BCAT1: variants seen among roughly 807,000 people sequenced by gnomAD.
The protein encoded by BCAT1 is branched-chain-amino-acid aminotransferase, cytosolic.
A neutral mutation model predicts 52.4 loss-of-function variants in BCAT1; 48 were observed. The ratio of observed to expected loss-of-function variants is 0.92; its 90% CI spans 0.73 to 1.16. The LOEUF is 1.16. Among genes scored for constraint, BCAT1 ranks in the 50% most tolerant of loss-of-function variants. The probability of loss-of-function intolerance (pLI) is 0.00; values close to 1 mark genes in which losing one functional copy is unlikely to be tolerated. For missense variants in BCAT1, 451 were observed against 457.1 expected, an observed-to-expected ratio of 0.99 and a Z score of 0.12; for synonymous variants, 167 against 161.3, an observed-to-expected ratio of 1.04 and a Z score of -0.27.
chr12:24,923,893 C>G (rs1208183558), intron 1 of BCAT1, among the ~76,000 whole-genome samples: 1 of 152,138 alleles, frequency 6.6e-6, no homozygotes, highest in Non-Finnish European at 1.5e-5. Context: ...TCAGTCCATC[C>G]CCTTCTCTGC....
intron 1 of BCAT1, chr12:24,902,664 C>T: frequency 2.0e-6 from 1 of 512,758 alleles, no homozygotes; most frequent in Non-Finnish European, 3.3e-6. Context: ...TAGCTACCCT[C>T]ACGTCCCCCG....
chr12:24,881,791 C>A (rs1459000096), intron 3 of BCAT1, among the ~76,000 whole-genome samples: 1 of 152,090 alleles, frequency 6.6e-6, no homozygotes, highest in Non-Finnish European at 1.5e-5. Context: ...GCACCGTGGC[C>A]CCCAAAGAGT....
At chr12:24,833,626 C>T (rs566881438) in intron 8 of BCAT1, among the ~76,000 whole-genome samples, 153 of 152,172 alleles carry the variant, frequency 1.0e-3, no homozygotes, top group South Asian at 2.9e-3. Context: ...TTATCAAGCA[C>T]CCGCTATTAT....
chr12:24,871,788 G>C (rs1169531107), intron 5 of BCAT1, among the ~76,000 whole-genome samples: 2 of 152,196 alleles, frequency 1.3e-5, no homozygotes, highest in Non-Finnish European at 2.9e-5. Context: ...TCACTGGTAA[G>C]AGTGGCCAGA....
chr12:24,834,561 T>G (rs1427958741), intron 8 of BCAT1: 1 of 973,542 alleles, frequency 1.0e-6, no homozygotes, highest in Non-Finnish European at 1.2e-6. Flanking sequence ...TTTTCTTAAT[T>G]TATAAACCCA....
chr12:24,818,133 G>T (rs937426439), intron 10 of BCAT1, 84 bp from the exon 11 acceptor site: 5 of 1,386,414 alleles, frequency 3.6e-6, no homozygotes, highest in East Asian at 2.3e-5. Flanking sequence ...TACCGCCAAG[G>T]TTACACAAAA....
At chr12:24,902,695 C>T (rs1166680947) in intron 1 of BCAT1, 6 of 558,114 alleles carry the variant, frequency 1.1e-5, no homozygotes, top group Non-Finnish European at 1.8e-5. Flanking sequence ...CGCCACGCTC[C>T]GGAGCGGGTT....
intron 5 of BCAT1, among the ~76,000 whole-genome samples, chr12:24,864,560 AG>A (rs1941948909): frequency 1.3e-5 from 2 of 152,188 alleles, no homozygotes; most frequent in African/African-American, 4.8e-5. Context: ...GAACTATGAT[AG>A]GAATGTGAGA....
At chr12:24,831,303 A>G (rs1194465457) in intron 9 of BCAT1, among the ~76,000 whole-genome samples, 1 of 152,220 alleles carries the variant, frequency 6.6e-6, no homozygotes, top group African/African-American at 2.4e-5. Context: ...TGTTGTTGAT[A>G]AGGCTTCCGG....
intron 1 of BCAT1, among the ~76,000 whole-genome samples, chr12:24,947,642 T>G (rs1406678799): frequency 1.3e-5 from 2 of 152,220 alleles, no homozygotes; most frequent in Non-Finnish European, 2.9e-5. Flanking sequence ...CTTGTAGATA[T>G]CTTACCTAGT....
At chr12:24,916,193 C>T (rs796938985) in intron 1 of BCAT1, among the ~76,000 whole-genome samples, 14 of 152,150 alleles carry the variant, frequency 9.2e-5, no homozygotes, top group African/African-American at 3.4e-4. Flanking sequence ...GAAGCCAAGC[C>T]AAAGATTCGC....
chr12:24,915,309 CAT>C (rs1252282752), intron 1 of BCAT1, among the ~76,000 whole-genome samples: 52 of 151,018 alleles, frequency 3.4e-4, no homozygotes, highest in African/African-American at 1.3e-3. Context: ...ATGATATAGA[CAT>C]AAATATCTTC....
At chr12:24,887,013 A>G (rs1379291070) in intron 3 of BCAT1, among the ~76,000 whole-genome samples, 1 of 138,534 alleles carries the variant, frequency 7.2e-6, no homozygotes, top group African/African-American at 2.7e-5. Context: ...CAGTGAGCCA[A>G]GATCACACCA....
chr12:24,931,453 T>C (rs1365816137), intron 1 of BCAT1, among the ~76,000 whole-genome samples: 5 of 151,554 alleles, frequency 3.3e-5, no homozygotes, highest in Middle Eastern at 6.8e-3. Context: ...GAAAGGAAAA[T>C]TTTCTAGGAT....
In BCAT1 at chr12:24,825,228, G is replaced by T. The variant is rs576084021; in HGVS notation, c.1119+4595C>A. 5.9e-5 allele frequency among the ~76,000 whole-genome samples: 9 copies of T among 151,976 alleles called. No individual in the cohort carries two copies. The East Asian group carries it at 1.4e-3, about 23-fold the overall frequency. On this transcript the variant is annotated intron_variant, in intron 10 of 10. Coordinates refer to ENST00000261192, the MANE Select transcript of BCAT1 (RefSeq NM_005504.7). ...AGGTTAATTCCATATCTTGGCTATT[G>T]TGAATACTATTGCAATAAACATGGG...
intron 7 of BCAT1, among the ~76,000 whole-genome samples, chr12:24,841,109 T>C (rs1941161055): frequency 6.6e-6 from 1 of 152,190 alleles, no homozygotes; most frequent in Non-Finnish European, 1.5e-5. Flanking sequence ...GTACTCAGGA[T>C]ATTAAAGATA....
intron 5 of BCAT1, among the ~76,000 whole-genome samples, chr12:24,868,540 G>C (rs937780243): frequency 1.3e-5 from 2 of 152,174 alleles, no homozygotes; most frequent in Non-Finnish European, 2.9e-5. Context: ...AATCAGTGAG[G>C]AAAGGATAGA....
At chr12:24,890,626 T>C (rs1023491867) in intron 3 of BCAT1, among the ~76,000 whole-genome samples, 1 of 152,110 alleles carries the variant, frequency 6.6e-6, no homozygotes, top group Non-Finnish European at 1.5e-5. Flanking sequence ...GCCATGGCAA[T>C]GGTGGGAAGT....
In BCAT1 at chr12:24,817,758, T is replaced by C. The variant is rs1466258911; in HGVS notation, c.*250A>G. The C allele has an allele frequency of 1.1e-5, 5 of 461,766 alleles. No individual in the cohort carries two copies. The highest frequency in any genetic ancestry group is 3.9e-5 in the South Asian group (1 of 25,824). 28.6% of individuals were successfully genotyped at this position (461,766 alleles called of 1,614,324 possible). A position where few individuals can be genotyped will look rare whatever the true frequency, so the allele number is the denominator to read the frequency against. ...AATCATTGAGGAAAATCCCATGTTATATGGCTTACATTAATGTTTTTCTAG... is the reference window on the plus strand; with the variant it reads ...AATCATTGAGGAAAATCCCATGTTACATGGCTTACATTAATGTTTTTCTAG... On this transcript the variant is annotated 3_prime_UTR_variant, in exon 11 of 11. Coordinates refer to ENST00000261192, the MANE Select transcript of BCAT1 (RefSeq NM_005504.7).
Sources: gnomAD v4.1 joint callset for allele counts (sites outside exome capture counted in the v4.1 genomes callset) on GRCh38, gnomAD v4.1.1 for gene constraint, MANE v1.5 for transcripts, NCBI Gene and HGNC (gene_info 2026-07-23, HGNC 2026-07-21) for gene names.